NBAS: variants seen among roughly 807,000 people sequenced by gnomAD.
NBAS encodes NBAS subunit of NRZ tethering complex.
NBAS carries 219 observed loss-of-function variants against 302.5 expected under a neutral mutation model. That is an observed-to-expected ratio of 0.72 (90% CI 0.65 to 0.81). NBAS has a LOEUF of 0.81. Among genes scored for constraint, NBAS ranks in the 30% least tolerant of loss-of-function variants. The pLI, the probability that NBAS is intolerant of heterozygous loss-of-function variation, is 0.00. For synonymous variants in NBAS, 1,118 were observed against 1,021.6 expected (o/e 1.09, Z -1.80); for missense variants, 2,932 against 2,841.6 (o/e 1.03, Z -0.72).
At chr2:15,371,107 A>T (rs538044875) in intron 31 of NBAS, among the ~76,000 whole-genome samples, 12 of 152,260 alleles carry the variant, frequency 7.9e-5, no homozygotes, top group Non-Finnish European at 1.5e-4. Flanking sequence ...TGCTGTTCTC[A>T]TGATGGTGAG....
At chr2:15,520,359 A>G (rs1662604944) in intron 9 of NBAS, among the ~76,000 whole-genome samples, 1 of 152,162 alleles carries the variant, frequency 6.6e-6, no homozygotes, top group Non-Finnish European at 1.5e-5. Context: ...CCAAGATCAC[A>G]TACATCACTG....
At chr2:14,838,169 T>C in the NBAS span, among the ~76,000 whole-genome samples, 1 of 151,972 alleles carries the variant, frequency 6.6e-6, no homozygotes, top group Non-Finnish European at 1.5e-5. Flanking sequence ...TATGAATTTT[T>C]TTGCTCCTAT....
the NBAS span, among the ~76,000 whole-genome samples, chr2:14,785,988 T>G: frequency 6.6e-6 from 1 of 152,168 alleles, no homozygotes; most frequent in Non-Finnish European, 1.5e-5. Flanking sequence ...GATTATTGCC[T>G]CAATTTCAGA....
chr2:15,561,299 C>T lies in NBAS; in HGVS notation c.6G>A (p.Ala2=). The T allele has an allele frequency of 4.3e-6, 7 of 1,612,736 alleles. No individual in the cohort carries two copies. Among genetic ancestry groups the T allele is most frequent in the Non-Finnish European group, 5.9e-6 (7 of 1,179,978 alleles). ...TCAAAGCCGGCCCTGACTCGGGGGCCGCCATGTTCGCCGAGGACTCAGGCA... is the reference window on the plus strand; with the variant it reads ...TCAAAGCCGGCCCTGACTCGGGGGCTGCCATGTTCGCCGAGGACTCAGGCA... M[A]APESGPALSP... Residue 2 remains alanine (A), a synonymous_variant, in exon 1 of 52, where the codon GCG becomes GCA. Coordinates refer to ENST00000281513, the MANE Select transcript of NBAS (RefSeq NM_015909.4).
At chr2:15,503,997 T>G (rs1661711324) in intron 11 of NBAS, 148 bp downstream of exon 11, 6 of 704,872 alleles carry the variant, frequency 8.5e-6, no homozygotes, top group Non-Finnish European at 1.6e-5. Context: ...CTCTATGAAT[T>G]CTTACTAATG....
the NBAS span, among the ~76,000 whole-genome samples, chr2:14,794,791 G>T: frequency 6.6e-6 from 1 of 151,954 alleles, no homozygotes; most frequent in African/African-American, 2.4e-5. Context: ...GTCAAAAATT[G>T]ATCTGCTTTC....
rs796072259 is a variant in NBAS, at chr2:15,227,489, GA to G, written c.6236+4932del. On this transcript the variant is annotated intron_variant, in intron 47 of 51. Coordinates refer to ENST00000281513, the MANE Select transcript of NBAS (RefSeq NM_015909.4). ...ATCAATGGCACTCTACACAGAAACA[GA>G]AAAAAAAAATCTTAAAATTCATATG... Among the ~76,000 whole-genome samples, 471 of 148,408 alleles carry G rather than the reference GA, an allele frequency of 3.2e-3. 2 individuals are homozygous for G. Among genetic ancestry groups the G allele is most frequent in the African/African-American group, 0.011 (442 of 40,502 alleles).
the NBAS span, among the ~76,000 whole-genome samples, chr2:14,915,732 T>C: frequency 1.3e-5 from 2 of 152,136 alleles, no homozygotes; most frequent in African/African-American, 4.8e-5. Flanking sequence ...CCAGCTTATT[T>C]TGTATTTTTA....
chr2:15,320,082 G>C (rs923437775), intron 38 of NBAS, among the ~76,000 whole-genome samples: 5 of 152,116 alleles, frequency 3.3e-5, no homozygotes, highest in African/African-American at 9.7e-5. Context: ...GGCATGCAAG[G>C]CTGGTTCAAC....
chr2:15,422,737 T>G (rs1196289127), intron 23 of NBAS, among the ~76,000 whole-genome samples: 1 of 152,178 alleles, frequency 6.6e-6, no homozygotes, highest in Non-Finnish European at 1.5e-5. Flanking sequence ...ACATGAGAAA[T>G]TTTTTAATTC....
At chr2:14,822,935 GCTT>G in the NBAS span, among the ~76,000 whole-genome samples, 166 of 152,260 alleles carry the variant, frequency 1.1e-3, no homozygotes, top group African/African-American at 3.9e-3. Context: ...AAGGCATGAA[GCTT>G]CTTCTAGAGA....
the NBAS span, among the ~76,000 whole-genome samples, chr2:15,076,612 G>A: frequency 6.7e-4 from 102 of 152,202 alleles, no homozygotes; most frequent in African/African-American, 2.2e-3. Flanking sequence ...ATGTCACTGC[G>A]GCATTGAGCT....
the NBAS span, among the ~76,000 whole-genome samples, chr2:15,013,719 G>A: frequency 1.3e-5 from 2 of 152,136 alleles, no homozygotes; most frequent in Admixed American, 6.5e-5. Context: ...GGAAGATGGA[G>A]GCTGCAGTGA....
At chr2:15,238,428 C>G (rs745350987) in intron 45 of NBAS, 40 bp downstream of exon 45, 1 of 1,578,328 alleles carries the variant, frequency 6.3e-7, no homozygotes, top group East Asian at 2.2e-5. Flanking sequence ...AAAGAATATA[C>G]TGATACAGAG....
chr2:15,535,567 A>T (rs996122441), intron 8 of NBAS, among the ~76,000 whole-genome samples: 11 of 136,316 alleles, frequency 8.1e-5, no homozygotes, highest in South Asian at 2.3e-4. Flanking sequence ...AATAAATAAA[A>T]ATAAAAAAAT....
intron 22 of NBAS, among the ~76,000 whole-genome samples, chr2:15,424,978 C>A (rs1413433716): frequency 6.6e-6 from 1 of 151,958 alleles, no homozygotes; most frequent in Non-Finnish European, 1.5e-5. Flanking sequence ...TAGGTGCCAG[C>A]AATTTAGTAC....
intron 10 of NBAS, among the ~76,000 whole-genome samples, chr2:15,510,171 T>C (rs933284053): frequency 1.3e-5 from 2 of 152,210 alleles, no homozygotes; most frequent in Non-Finnish European, 2.9e-5. Context: ...TCATACAGTT[T>C]ACACAAATAA....
chr2:15,275,946 C>T (rs370084157), intron 43 of NBAS, 128 bp from the exon 44 acceptor site: 1 of 788,656 alleles, frequency 1.3e-6, no homozygotes, highest in African/African-American at 1.7e-5. Flanking sequence ...CTCTAAGTAG[C>T]TAGTTTATAT....
chr2:15,459,863 G>A (rs879323589), intron 21 of NBAS, among the ~76,000 whole-genome samples: 20 of 152,052 alleles, frequency 1.3e-4, no homozygotes, highest in Admixed American at 9.8e-4. Context: ...ATATATTCTC[G>A]CTGCTTACTG....
Sources: gnomAD v4.1 joint callset for allele counts (sites outside exome capture counted in the v4.1 genomes callset) on GRCh38, gnomAD v4.1.1 for gene constraint, MANE v1.5 for transcripts, NCBI Gene and HGNC (gene_info 2026-07-23, HGNC 2026-07-21) for gene names.